DENND5B: variants seen among roughly 807,000 people sequenced by gnomAD.
DENND5B encodes the protein DENN domain containing 5B.
A neutral mutation model predicts 140.6 loss-of-function variants in DENND5B; 34 were observed. That is an observed-to-expected ratio of 0.24 (90% CI 0.18 to 0.32). DENND5B has a LOEUF of 0.32. Among genes scored for constraint, DENND5B ranks in the 10% least tolerant of loss-of-function variants. The pLI, the probability that DENND5B is intolerant of heterozygous loss-of-function variation, is 1.00. For synonymous variants in DENND5B, 551 were observed against 562.1 expected, an observed-to-expected ratio of 0.98 and a Z score of 0.28; for missense variants, 1,142 against 1,560.2, an observed-to-expected ratio of 0.73 and a Z score of 4.52.
chr12:31,399,618 A>G (rs1941693433), intron 16 of DENND5B, 36 bp downstream of exon 16: 1 of 1,550,486 alleles, frequency 6.4e-7, no homozygotes, highest in Non-Finnish European at 8.9e-7. Context: ...GAGTCTTAAA[A>G]CAAAGAATTC....
At position 31,490,473 on chromosome 12, in the gene DENND5B, G is replaced by A. The variant is rs998856485; in HGVS notation, c.237+5337C>T. Among the ~76,000 whole-genome samples, 8 of 152,160 alleles carry A rather than the reference G, an allele frequency of 5.3e-5. No homozygotes were observed. The East Asian group carries it at 1.2e-3, about 22-fold the overall frequency. Reference sequence around the variant, plus strand: ...CAAAAAGTACAAAAATTAGCCAGGCGTGGTGGTGCACACCTGTAGTCTCAG... The same window carrying A: ...CAAAAAGTACAAAAATTAGCCAGGCATGGTGGTGCACACCTGTAGTCTCAG... On this transcript the variant is annotated intron_variant, in intron 2 of 20. Transcript: ENST00000389082.
At chr12:31,393,184 C>T (rs929022389) in intron 17 of DENND5B, among the ~76,000 whole-genome samples, 1 of 152,126 alleles carries the variant, frequency 6.6e-6, no homozygotes, top group African/African-American at 2.4e-5. Context: ...ATGCTATCTA[C>T]CTACGAGCCT....
At chr12:31,416,913 T>C (rs1022933121) in intron 11 of DENND5B, among the ~76,000 whole-genome samples, 9 of 142,366 alleles carry the variant, frequency 6.3e-5, no homozygotes, top group Non-Finnish European at 1.2e-4. Flanking sequence ...TCTTTTTTTT[T>C]TTAATTAGCT....
rs1431605471 is a variant in DENND5B at position 31,524,853 on chromosome 12, C to T, written c.128-28934G>A. ...CATCTGAGAGCCCTACTCTCTTTTACTGATTCTCTCACCATTTCTCAGGCC... is the reference window on the plus strand; with the variant it reads ...CATCTGAGAGCCCTACTCTCTTTTATTGATTCTCTCACCATTTCTCAGGCC... On this transcript the variant is annotated intron_variant, in intron 1 of 20. Transcript: ENST00000389082. 6.6e-5 allele frequency among the ~76,000 whole-genome samples: 10 copies of T among 152,194 alleles called. No homozygotes were observed. The South Asian group carries it at 1.7e-3, about 25-fold the overall frequency.
intron 1 of DENND5B, among the ~76,000 whole-genome samples, chr12:31,556,965 TAAC>T (rs887829163): frequency 1.3e-5 from 2 of 152,054 alleles, no homozygotes; most frequent in African/African-American, 4.8e-5. Flanking sequence ...CTGCTTAAAA[TAAC>T]AAAAAAATCA....
chr12:31,464,458 T>C (rs1260862210), intron 3 of DENND5B, among the ~76,000 whole-genome samples: 1 of 152,226 alleles, frequency 6.6e-6, no homozygotes, highest in Non-Finnish European at 1.5e-5. Flanking sequence ...CCAGGAATTA[T>C]TCATCTCACT....
At chr12:31,420,099 G>T (rs1942951949) in intron 11 of DENND5B, 1 of 977,474 alleles carries the variant, frequency 1.0e-6, no homozygotes, top group Admixed American at 6.2e-5. Flanking sequence ...AAGGTGCAAA[G>T]TTTAAGAACT....
At chr12:31,486,533 C>T (rs1050411310) in intron 2 of DENND5B, among the ~76,000 whole-genome samples, 4 of 152,234 alleles carry the variant, frequency 2.6e-5, no homozygotes, top group Non-Finnish European at 4.4e-5. Context: ...CAGTCACAAC[C>T]ATCCACTTAT....
At chr12:31,439,555 T>G (rs1379120632) in intron 7 of DENND5B, among the ~76,000 whole-genome samples, 1 of 152,116 alleles carries the variant, frequency 6.6e-6, no homozygotes, top group Admixed American at 6.6e-5. Flanking sequence ...AAACTCGTGG[T>G]GACTAGGACA....
chr12:31,410,278 T>A (rs1051486136), intron 13 of DENND5B, among the ~76,000 whole-genome samples: 3 of 152,214 alleles, frequency 2.0e-5, no homozygotes, highest in African/African-American at 7.2e-5. Flanking sequence ...AAGAAACAGA[T>A]GAAATGGGGC....
intron 1 of DENND5B, among the ~76,000 whole-genome samples, chr12:31,537,757 G>A (rs553247977): frequency 6.6e-6 from 1 of 151,712 alleles, no homozygotes; most frequent in African/African-American, 2.4e-5. Context: ...CACCTACAAA[G>A]ACACACATAG....
At chr12:31,519,646 A>G (rs913711682) in intron 1 of DENND5B, among the ~76,000 whole-genome samples, 1 of 152,200 alleles carries the variant, frequency 6.6e-6, no homozygotes, top group Admixed American at 6.5e-5. Context: ...AAGTCAAAAA[A>G]GGACAGTCCA....
intron 9 of DENND5B, 23 bp downstream of exon 9, chr12:31,426,270 T>C (rs1593133736): frequency 6.3e-7 from 1 of 1,597,074 alleles, no homozygotes; most frequent in East Asian, 2.2e-5. Flanking sequence ...GCACACTGTC[T>C]GGCATCAGTG....
At chr12:31,456,240 G>A (rs1265142309) in intron 4 of DENND5B, among the ~76,000 whole-genome samples, 1 of 147,580 alleles carries the variant, frequency 6.8e-6, no homozygotes, top group East Asian at 2.0e-4. Flanking sequence ...TGAGGCAAAA[G>A]AATCACTTGA....
At chr12:31,480,290 G>A (rs1555159782) in intron 2 of DENND5B, 35 bp from the exon 3 acceptor site, 1 of 1,439,364 alleles carries the variant, frequency 6.9e-7, no homozygotes, top group Non-Finnish European at 9.1e-7. Flanking sequence ...TCAGAATGCA[G>A]TACACAAATA....
intron 1 of DENND5B, among the ~76,000 whole-genome samples, chr12:31,531,165 C>T (rs552028398): frequency 6.6e-5 from 10 of 152,038 alleles, no homozygotes; most frequent in East Asian, 1.9e-4. Context: ...TATCCTACTA[C>T]GAGTTAATAA....
Position 31,470,119 on chromosome 12 carries a change from TTTTTTTTTTC to T in DENND5B, c.904+9460_904+9469del, listed in dbSNP as rs371017005. Among the ~76,000 whole-genome samples the T allele has an allele frequency of 9.3e-3, 1,358 of 146,278 alleles. 27 individuals are homozygous for T. Among genetic ancestry groups the T allele is most frequent in the African/African-American group, 0.033 (1,287 of 39,170 alleles). On this transcript the variant is annotated intron_variant, in intron 3 of 20. Coordinates refer to ENST00000389082, the MANE Select transcript of DENND5B (RefSeq NM_144973.4). ...TACACTACCATGTCTGGCTTTTTTT[TTTTTTTTTTC>T]TTTGGAGATGGAGTTTCCCTTGTTA...
intron 6 of DENND5B, among the ~76,000 whole-genome samples, chr12:31,446,354 G>A (rs531330297): frequency 5.3e-5 from 8 of 152,116 alleles, no homozygotes; most frequent in South Asian, 4.2e-4. Context: ...TCGCCATGTC[G>A]GCCAGGCTGG....
rs1438860775 is a variant in DENND5B, at chr12:31,468,483, G to A, written c.905-8102C>T. On this transcript the variant is annotated intron_variant, in intron 3 of 20. Transcript: ENST00000389082. ...AACAGAAAACAAAGGTACAACAGAA[G>A]ATACCAATGAAAGTAAAATCTGGTT... 9.2e-4 allele frequency among the ~76,000 whole-genome samples: 140 copies of A among 152,096 alleles called. 1 individual carries two copies. Among genetic ancestry groups the A allele is most frequent in the Non-Finnish European group, 1.0e-4 (7 of 67,974 alleles).
Sources: allele counts gnomAD v4.1 joint callset (sites outside exome capture counted in the v4.1 genomes callset), GRCh38; gene constraint gnomAD v4.1.1; transcripts MANE v1.5; gene names NCBI Gene and HGNC (gene_info 2026-07-23, HGNC 2026-07-21).